TSPAN9: variants seen among roughly 807,000 people sequenced by gnomAD.
The protein encoded by TSPAN9 is tetraspanin 9.
Under a neutral mutation model 31.0 loss-of-function variants are expected in TSPAN9, and 16 were observed. The ratio of observed to expected loss-of-function variants is 0.52; its 90% confidence interval spans 0.35 to 0.78. The LOEUF (loss-of-function observed/expected upper bound fraction) is 0.78, where lower values mean the gene tolerates loss of function less well. Ranked by LOEUF, TSPAN9 falls within the 30% of genes least tolerant of loss-of-function variation. TSPAN9 has a pLI of 0.01. For missense variants in TSPAN9, 272 were observed against 312.5 expected, an observed-to-expected ratio of 0.87 and a Z score of 0.98; for synonymous variants, 145 against 121.6, an observed-to-expected ratio of 1.19 and a Z score of -1.27.
At chr12:3,118,893 G>A (rs112085186) in intron 2 of TSPAN9, among the ~76,000 whole-genome samples, 19 of 152,318 alleles carry the variant, frequency 1.2e-4, no homozygotes, top group African/African-American at 4.3e-4. Context: ...AGCCTGGCAC[G>A]CAGGTTGCAA....
Position 3,198,840 on chromosome 12 carries a change from C to T in TSPAN9, c.-17-2337C>T, listed in dbSNP as rs1252838534. On this transcript the variant is annotated intron_variant, in intron 2 of 8. Transcript: ENST00000011898. Reference sequence around the variant, plus strand: ...CAGCTCACCACCAGCACAGGTCACACCAGCACAGGTCACCACCAGCACAGG... The same window carrying T: ...CAGCTCACCACCAGCACAGGTCACATCAGCACAGGTCACCACCAGCACAGG... Among the ~76,000 whole-genome samples, 4 of 138,626 alleles carry T rather than the reference C, an allele frequency of 2.9e-5. 1 individual carries two copies. The highest frequency in any genetic ancestry group is 2.9e-4 in the Admixed American group (4 of 14,016). The allele number at this position is 138,626 out of a possible 152,430, so 90.9% of individuals were successfully genotyped here. A position where few individuals can be genotyped will look rare whatever the true frequency, so the allele number is the denominator to read the frequency against.
chr12:3,267,277 CT>C (rs1203330151), intron 3 of TSPAN9, among the ~76,000 whole-genome samples: 1 of 152,206 alleles, frequency 6.6e-6, no homozygotes, highest in Non-Finnish European at 1.5e-5. Flanking sequence ...GTAATAACAC[CT>C]TGTACAGCAT....
At chr12:3,235,262 AT>A (rs1472836129) in intron 3 of TSPAN9, among the ~76,000 whole-genome samples, 2 of 90,698 alleles carry the variant, frequency 2.2e-5, no homozygotes, top group Non-Finnish European at 4.1e-5. Flanking sequence ...ATATATATAT[AT>A]ATATATATGT....
intron 3 of TSPAN9, among the ~76,000 whole-genome samples, chr12:3,268,950 C>T (rs1287521130): frequency 9.5e-6 from 1 of 105,466 alleles, no homozygotes; most frequent in Middle Eastern, 7.4e-3. Context: ...CTCTGTGTTC[C>T]TGCAGCCTGC....
rs77230774 is a variant in TSPAN9, at chr12:3,124,282, G to A, written c.-18+40563G>A. Among the ~76,000 whole-genome samples the A allele has an allele frequency of 3.5e-4, 54 of 152,222 alleles. No individual in the cohort carries two copies. In the East Asian group the frequency reaches 0.01, roughly 29 times the overall value. ...CAATTATTTGGAAGTTTATATCAAAGGCCTTAGAAACATTCATTCATAATT... is the reference window on the plus strand; with the variant it reads ...CAATTATTTGGAAGTTTATATCAAAAGCCTTAGAAACATTCATTCATAATT... On this transcript the variant is annotated intron_variant, in intron 2 of 8. Transcript: ENST00000011898.
At chr12:3,238,477 A>G (rs2098394937) in intron 3 of TSPAN9, among the ~76,000 whole-genome samples, 1 of 152,162 alleles carries the variant, frequency 6.6e-6, no homozygotes, top group Non-Finnish European at 1.5e-5. Context: ...CATTGAGTTT[A>G]TTAGGTCCGG....
At chr12:3,137,322 GCC>G (rs1232209694) in intron 2 of TSPAN9, among the ~76,000 whole-genome samples, 1 of 152,178 alleles carries the variant, frequency 6.6e-6, no homozygotes, top group Non-Finnish European at 1.5e-5. Context: ...TCTCCTGGCT[GCC>G]CCAGGCCTCA....
At position 3,152,493 on chromosome 12, in the gene TSPAN9, A is replaced by G. The variant is rs115095038; in HGVS notation, c.-17-48684A>G. On this transcript the variant is annotated intron_variant, in intron 2 of 8. Coordinates refer to ENST00000011898, the MANE Select transcript of TSPAN9 (RefSeq NM_006675.5). ...TCCCCAGCGATGGACACAGTGAAAC[A>G]TGTATTGAAAAGAATGAGGGAAGGA... is the stretch of plus-strand genomic sequence containing the variant. Among the ~76,000 whole-genome samples the G allele has an allele frequency of 1.8e-3, 267 of 152,354 alleles. 1 individual carries two copies. Among genetic ancestry groups the G allele is most frequent in the African/African-American group, 6.2e-3 (259 of 41,582 alleles).
rs1312105613 is a variant in TSPAN9 at position 3,197,756 on chromosome 12, G to GCCA, written c.-17-3421_-17-3420insCCA. Among the ~76,000 whole-genome samples the GCCA allele has an allele frequency of 8.6e-4, 41 of 47,584 alleles. 1 individual carries two copies. The East Asian group carries it at 0.021, about 24-fold the overall frequency. The allele number at this position is 47,584 out of a possible 152,430, so 31.2% of individuals were successfully genotyped here. A position where few individuals can be genotyped will look rare whatever the true frequency, so the allele number is the denominator to read the frequency against. The stretch of plus-strand genomic sequence containing the variant: ...CCAGCACAGGCCACCACCAGCACAG[G>GCCA]TCACCAGCACAGGCCACCACCAGCA... On this transcript the variant is annotated intron_variant, in intron 2 of 8. Coordinates refer to ENST00000011898, the MANE Select transcript of TSPAN9 (RefSeq NM_006675.5).
intron 2 of TSPAN9, among the ~76,000 whole-genome samples, chr12:3,197,535 G>A (rs2098367653): frequency 6.6e-6 from 1 of 152,186 alleles, no homozygotes; most frequent in African/African-American, 2.4e-5. Flanking sequence ...TAAAACCACT[G>A]CAGTTTCCTT....
intron 2 of TSPAN9, chr12:3,173,229 CTG>C (rs1471467198): frequency 6.6e-6 from 1 of 152,396 alleles, no homozygotes; most frequent in Non-Finnish European, 1.5e-5. Context: ...AGCCCAGAGT[CTG>C]TGTGGCTGCA....
chr12:3,146,184 C>T (rs983360961), intron 2 of TSPAN9, among the ~76,000 whole-genome samples: 2 of 152,198 alleles, frequency 1.3e-5, no homozygotes, highest in Non-Finnish European at 2.9e-5. Context: ...AGATTTATGA[C>T]CCGTGGCCAT....
At chr12:3,263,877 G>A (rs991420277) in intron 3 of TSPAN9, among the ~76,000 whole-genome samples, 1 of 152,206 alleles carries the variant, frequency 6.6e-6, no homozygotes, top group Non-Finnish European at 1.5e-5. Context: ...CGAGAACAGT[G>A]CAAAGGGAAG....
Position 3,278,440 on chromosome 12 carries a change from T to C in TSPAN9, c.83T>C (p.Leu28Pro). 6.2e-7 allele frequency: 1 copy of C among 1,614,214 alleles called. No individual in the cohort carries two copies. The highest frequency in any genetic ancestry group is 8.5e-7 in the Non-Finnish European group (1 of 1,180,020). ...LIFWLCGCGL[L>P]GVGIWLSVSQ... The stretch of plus-strand genomic sequence containing the variant: ...TTCCAGCTCTGTGGCTGTGGGCTGC[T>C]GGGAGTGGGCATCTGGCTCTCCGTG... The change falls in exon 4 of 9, where the codon CTG (leucine) becomes CCG (proline). Residue 28 changes from leucine (L) to proline (P), a missense_variant. Leu to Pro is a moderately conservative substitution (Grantham distance 98). Transcript: ENST00000011898.
At chr12:3,266,406 C>T (rs1046387145) in intron 3 of TSPAN9, among the ~76,000 whole-genome samples, 3 of 152,148 alleles carry the variant, frequency 2.0e-5, no homozygotes, top group Admixed American at 6.5e-5. Flanking sequence ...GGTGCACGAT[C>T]GGCACTCGTC....
intron 3 of TSPAN9, among the ~76,000 whole-genome samples, chr12:3,258,948 G>A (rs1183643768): frequency 6.6e-6 from 1 of 152,180 alleles, no homozygotes; most frequent in Non-Finnish European, 1.5e-5. Context: ...CAGTGATGGT[G>A]CCTCTAGGCA....
chr12:3,226,787 TA>T (rs2098387999), intron 3 of TSPAN9, among the ~76,000 whole-genome samples: 1 of 25,856 alleles, frequency 3.9e-5, no homozygotes, highest in African/African-American at 2.1e-4. Context: ...TATATATATA[TA>T]TATATATTTT....
intron 2 of TSPAN9, among the ~76,000 whole-genome samples, chr12:3,091,501 C>A (rs12820016): frequency 6.6e-6 from 1 of 152,050 alleles, no homozygotes; most frequent in Non-Finnish European, 1.5e-5. Context: ...TTAGAGGATG[C>A]TACAGTGGAG....
rs1012678194 is a variant in TSPAN9 at position 3,187,898 on chromosome 12, T to A, written c.-17-13279T>A. On this transcript the variant is annotated intron_variant, in intron 2 of 8. Coordinates refer to ENST00000011898, the MANE Select transcript of TSPAN9 (RefSeq NM_006675.5). This position sits in a 1 kb window ranked among gnomAD's most constrained non-coding sequence, Gnocchi z 5.2. ...TTGCATGTACTCAGGGGTACTTCTG[T>A]CCCACCCTTTCATTTGATTGCTCTT... is the stretch of plus-strand genomic sequence containing the variant. 3.9e-5 allele frequency among the ~76,000 whole-genome samples: 6 copies of A among 152,126 alleles called. No homozygotes were observed. The highest frequency in any genetic ancestry group is 1.4e-4 in the African/African-American group (6 of 41,424).
Sources: allele counts gnomAD v4.1 joint callset (sites outside exome capture counted in the v4.1 genomes callset), GRCh38; gene constraint gnomAD v4.1.1; non-coding constraint Gnocchi (gnomAD v3.1); transcripts MANE v1.5; gene names NCBI Gene and HGNC (gene_info 2026-07-23, HGNC 2026-07-21).